NBAS: variants seen among roughly 807,000 people sequenced by gnomAD.
The protein encoded by NBAS is NBAS subunit of NRZ tethering complex, also known as NAG/BC035112 fusion.
A neutral mutation model predicts 302.5 loss-of-function variants in NBAS; 219 were observed. The ratio of observed to expected loss-of-function variants is 0.72; its 90% CI spans 0.65 to 0.81. NBAS has a LOEUF of 0.81. Among genes scored for constraint, NBAS ranks in the 30% least tolerant of loss-of-function variants. The pLI, the probability that NBAS is intolerant of heterozygous loss-of-function variation, is 0.00. For missense variants in NBAS, 2,932 were observed against 2,841.6 expected, an observed-to-expected ratio of 1.03 and a Z score of -0.72; for synonymous variants, 1,118 against 1,021.6, an observed-to-expected ratio of 1.09 and a Z score of -1.80.
the NBAS span, among the ~76,000 whole-genome samples, chr2:14,870,144 T>C: frequency 6.6e-6 from 1 of 152,310 alleles, no homozygotes; most frequent in Admixed American, 6.5e-5. Context: ...TTCAGTTTAC[T>C]GCCTCAAGAG....
At chr2:15,122,789 A>G in the NBAS span, among the ~76,000 whole-genome samples, 2 of 152,330 alleles carry the variant, frequency 1.3e-5, no homozygotes, top group East Asian at 3.9e-4. Context: ...ATCTATTGCA[A>G]GGTAAACTCT....
intron 35 of NBAS, among the ~76,000 whole-genome samples, chr2:15,341,405 TAAATA>T (rs1672845945): frequency 6.8e-6 from 1 of 147,534 alleles, no homozygotes; most frequent in South Asian, 2.1e-4. Flanking sequence ...AATAAATGAA[TAAATA>T]AATAAATAAA....
chr2:15,540,857 G>A (rs981105535), intron 6 of NBAS, among the ~76,000 whole-genome samples: 2 of 151,988 alleles, frequency 1.3e-5, no homozygotes, highest in Non-Finnish European at 2.9e-5. Context: ...TGAGTAGCTT[G>A]GATACAGGCG....
At chr2:14,889,594 A>G in the NBAS span, among the ~76,000 whole-genome samples, 2 of 152,212 alleles carry the variant, frequency 1.3e-5, no homozygotes, top group African/African-American at 2.4e-5. Context: ...CCTACCATAC[A>G]GGGAGTTTTG....
intron 34 of NBAS, among the ~76,000 whole-genome samples, 153 bp from the exon 35 acceptor site, chr2:15,352,234 CAA>C (rs1349193162): frequency 6.6e-6 from 1 of 152,086 alleles, no homozygotes; most frequent in Non-Finnish European, 1.5e-5. Context: ...CAGGACTTCA[CAA>C]ACAGTTTCAA....
the NBAS span, among the ~76,000 whole-genome samples, chr2:15,084,977 A>C: frequency 1.3e-5 from 2 of 152,234 alleles, no homozygotes; most frequent in Admixed American, 6.5e-5. Context: ...CGCTGTCATC[A>C]TGCTGGCCGC....
rs1572668420 is a variant in NBAS, at chr2:15,330,491, A to G, written c.4347+107T>C. ...CCTACATTTCTTAAGAGATTGTTTT[A>G]ACAATCTAGAGAAGATAAAGATATA... On this transcript the variant is annotated intron_variant, in intron 36 of 51. Transcript: ENST00000281513. 7.7e-6 allele frequency: 11 copies of G among 1,435,112 alleles called. No homozygotes were observed. The East Asian group carries it at 2.4e-4, about 31-fold the overall frequency. 88.9% of individuals were successfully genotyped at this position (1,435,112 alleles called of 1,614,324 possible). A position where few individuals can be genotyped will look rare whatever the true frequency, so the allele number is the denominator to read the frequency against.
chr2:14,831,061 G>A, the NBAS span, among the ~76,000 whole-genome samples: 45 of 152,274 alleles, frequency 3.0e-4, no homozygotes, highest in African/African-American at 1.0e-3. Flanking sequence ...AGCCTGCAAA[G>A]CCAACTACAG....
At chr2:14,873,805 T>C in the NBAS span, among the ~76,000 whole-genome samples, 1 of 150,876 alleles carries the variant, frequency 6.6e-6, no homozygotes, top group Admixed American at 6.6e-5. Context: ...CATATCAAAA[T>C]ATGTGGCTAA....
At chr2:15,249,951 G>A (rs1572525744) in intron 44 of NBAS, among the ~76,000 whole-genome samples, 1 of 152,020 alleles carries the variant, frequency 6.6e-6, no homozygotes, top group South Asian at 2.1e-4. Context: ...CACAGAAGTG[G>A]AAAAAAACTA....
intron 51 of NBAS, 87 bp downstream of exon 51, chr2:15,178,901 T>C (rs932466728): frequency 2.2e-5 from 35 of 1,567,810 alleles, no homozygotes; most frequent in Admixed American, 3.4e-5. Flanking sequence ...TTAACCACGG[T>C]GTTATTTATG....
At chr2:14,996,716 C>G in the NBAS span, among the ~76,000 whole-genome samples, 2 of 152,146 alleles carry the variant, frequency 1.3e-5, no homozygotes, top group Admixed American at 1.3e-4. Flanking sequence ...GCTCTTTCTG[C>G]CTTCCAAAGG....
At chr2:14,877,627 T>A in the NBAS span, among the ~76,000 whole-genome samples, 2 of 151,966 alleles carry the variant, frequency 1.3e-5, no homozygotes, top group Non-Finnish European at 2.9e-5. Context: ...TAGGAAAACA[T>A]GGGTTTTCAA....
chr2:14,996,997 T>C, the NBAS span, among the ~76,000 whole-genome samples: 1 of 152,166 alleles, frequency 6.6e-6, no homozygotes, highest in African/African-American at 2.4e-5. Flanking sequence ...TGTGCTTGAA[T>C]TTAGAAAACC....
Position 15,539,353 on chromosome 2 carries a change from G to A in NBAS, c.383C>T (p.Pro128Leu), listed in dbSNP as rs781438518. Residue 128 changes from proline to leucine, a missense_variant, in exon 7 of 52, where the codon CCG (proline) becomes CTG (leucine). By Grantham distance (98) the Pro-to-Leu change is moderately conservative. Coordinates refer to ENST00000281513, the MANE Select transcript of NBAS (RefSeq NM_015909.4). ...FTSIIGKCQV[P>L]KDPKPQWRRV... ...TCTCCACTGGGGTTTCGGGTCTTTC[G>A]GAACTAGAACAAAAGAAAACAAGAG... The A allele has an allele frequency of 1.2e-5, 20 of 1,613,926 alleles. No individual in the cohort carries two copies. The highest frequency in any genetic ancestry group is 8.3e-5 in the Admixed American group (5 of 60,000).
chr2:15,054,955 T>C, the NBAS span, among the ~76,000 whole-genome samples: 2 of 152,298 alleles, frequency 1.3e-5, no homozygotes, highest in African/African-American at 2.4e-5. Flanking sequence ...AGAATGTCCA[T>C]TAACATGTTA....
chr2:15,401,822 T>C (rs868459252), intron 26 of NBAS, among the ~76,000 whole-genome samples: 7 of 152,286 alleles, frequency 4.6e-5, no homozygotes, highest in Middle Eastern at 6.8e-3. Flanking sequence ...CCAATAAATA[T>C]GAAAAATGCT....
chr2:14,959,082 G>A, the NBAS span, among the ~76,000 whole-genome samples: 2 of 152,140 alleles, frequency 1.3e-5, no homozygotes, highest in African/African-American at 4.8e-5. Context: ...AACAAGCACT[G>A]GGGTGGGACT....
At chr2:15,436,813 G>C (rs1678039593) in intron 21 of NBAS, among the ~76,000 whole-genome samples, 1 of 152,096 alleles carries the variant, frequency 6.6e-6, no homozygotes, top group South Asian at 2.1e-4. Flanking sequence ...TCCTTCACTA[G>C]ACTATGAGCT....
Sources: gnomAD v4.1 joint callset for allele counts (sites outside exome capture counted in the v4.1 genomes callset) on GRCh38, gnomAD v4.1.1 for gene constraint, MANE v1.5 for transcripts, NCBI Gene and HGNC (gene_info 2026-07-23, HGNC 2026-07-21) for gene names.